STRN: variants seen among roughly 807,000 people sequenced by gnomAD.
STRN encodes striatin.
In STRN, 53 loss-of-function variants were observed where a neutral mutation model predicts 96.3. The observed-to-expected ratio is 0.55, with a 90% CI of 0.44 to 0.69. STRN has a LOEUF of 0.69. Ranked by LOEUF, STRN falls within the 30% of genes least tolerant of loss-of-function variation. The pLI is 0.00. For synonymous variants in STRN, 428 were observed against 355.9 expected, an observed-to-expected ratio of 1.20 and a Z score of -2.28; for missense variants, 987 against 963.9, an observed-to-expected ratio of 1.02 and a Z score of -0.32.
Position 36,909,820 on chromosome 2 carries a change from G to A in STRN, c.413-4202C>T, listed in dbSNP as rs1669917754. ...GAAAAAGGTCACATTATACACAGAG[G>A]AACAAAAATAAGGGCAACAGGAGAT... On this transcript the variant is annotated intron_variant, in intron 3 of 17. Transcript: ENST00000263918. Among the ~76,000 whole-genome samples, 3 of 152,004 alleles carry A rather than the reference G, an allele frequency of 2.0e-5. 1 individual carries two copies. The highest frequency in any genetic ancestry group is 4.4e-5 in the Non-Finnish European group (3 of 67,996).
Position 36,857,936 on chromosome 2 carries a change from GACA to G in STRN, c.1754_1756del (p.Leu585del). 6.2e-7 allele frequency: 1 copy of G among 1,614,008 alleles called. No individual in the cohort carries two copies. The highest frequency in any genetic ancestry group is 8.5e-7 in the Non-Finnish European group (1 of 1,179,988). ...ACGCAGAGTGCCATCTGCTGAACAGGACAACAAACGCTGATGTGCTGCACTATA... is the reference window on the plus strand; with the variant it reads ...ACGCAGAGTGCCATCTGCTGAACAGGACAAACGCTGATGTGCTGCACTATA... On this transcript the variant is annotated inframe_deletion, in exon 14 of 18. Transcript: ENST00000263918.
rs1667963348 is a variant in STRN at position 36,841,962 on chromosome 2, C to A, written c.*7494G>T. ...GCTTCTCCTTTTTGGTAAGGTACTT[C>A]TTTCCCCACACTCTCACCCAAGTTA... On this transcript the variant is annotated 3_prime_UTR_variant, in exon 18 of 18. Transcript: ENST00000263918. The A allele has an allele frequency of 6.6e-6, 1 of 152,194 alleles. No homozygotes were observed. Among genetic ancestry groups the A allele is most frequent in the South Asian group, 2.1e-4 (1 of 4,822 alleles). The allele number at this position is 152,194 out of a possible 1,614,324, so 9.4% of individuals were successfully genotyped here.
chr2:36,950,212 TG>T (rs369197418), intron 1 of STRN, among the ~76,000 whole-genome samples: 33 of 134,108 alleles, frequency 2.5e-4, no homozygotes, highest in African/African-American at 4.8e-4. Context: ...GGTTTGGTTT[TG>T]TTTTTTTTTT....
chr2:36,850,951 G>GTTT (rs771268393), intron 16 of STRN, 49 bp downstream of exon 16: 39 of 751,016 alleles, frequency 5.2e-5, no homozygotes, highest in Non-Finnish European at 7.4e-5. Flanking sequence ...TTGTGGTAGG[G>GTTT]ATTTTTTTTT....
chr2:36,840,735 A>C lies in STRN; in HGVS notation c.*8721T>G, dbSNP rs1667932480. On this transcript the variant is annotated 3_prime_UTR_variant, in exon 18 of 18. Coordinates refer to ENST00000263918, the MANE Select transcript of STRN (RefSeq NM_003162.4). ...CTTATATAGACAAAAGCAAACAAAT[A>C]ATCATTAACCTTTATTTTTGTAGGT... 1 of 152,192 alleles carries C rather than the reference A, an allele frequency of 6.6e-6. No individual in the cohort carries two copies. Among genetic ancestry groups the C allele is most frequent in the Non-Finnish European group, 1.5e-5 (1 of 68,032 alleles). 9.4% of individuals were successfully genotyped at this position (152,192 alleles called of 1,614,324 possible).
In STRN at chr2:36,966,380, C is replaced by G. The variant is rs775254260; in HGVS notation, c.84G>C (p.Ala28=). Reference sequence around the variant, plus strand: ...CCCCGTCGCCGGCCGCGGCAGCCTCCGCCAGAGGCCCGAGCCCCTTGGCAC... The same window carrying G: ...CCCCGTCGCCGGCCGCGGCAGCCTCGGCCAGAGGCCCGAGCCCCTTGGCAC... ...AGGAKGLGPL[A]EAAAAGDGAA... The change falls in exon 1 of 18, where the codon GCG becomes GCC. Residue 28 remains alanine (A), a synonymous_variant. Transcript: ENST00000263918. The G allele has an allele frequency of 2.1e-6, 3 of 1,459,536 alleles. No homozygotes were observed. The African/African-American group carries it at 4.4e-5, about 22-fold the overall frequency. The allele number at this position is 1,459,536 out of a possible 1,614,324, so 90.4% of individuals were successfully genotyped here.
At chr2:36,964,038 T>C (rs757598006) in intron 1 of STRN, among the ~76,000 whole-genome samples, 2 of 150,498 alleles carry the variant, frequency 1.3e-5, no homozygotes, top group African/African-American at 2.4e-5. Context: ...TAAGCACCCA[T>C]GGGAAAGCTA....
Position 36,845,901 on chromosome 2 carries a change from ACACACGCATGCATG to A in STRN, c.*3541_*3554del, listed in dbSNP as rs1481811709. 6.2e-5 allele frequency: 3 copies of A among 48,432 alleles called. No individual in the cohort carries two copies. Among genetic ancestry groups the A allele is most frequent in the East Asian group, 1.1e-3 (1 of 876 alleles). The allele number at this position is 48,432 out of a possible 1,614,324, so 3.0% of individuals were successfully genotyped here. ...GATTGGTAAACACACACACACACAC[ACACACGCATGCATG>A]CACACACACACACACACACACACAC... On this transcript the variant is annotated 3_prime_UTR_variant, in exon 18 of 18. Transcript: ENST00000263918.
At chr2:36,858,622 C>T (rs115328758) in intron 13 of STRN, among the ~76,000 whole-genome samples, 100 of 152,274 alleles carry the variant, frequency 6.6e-4, no homozygotes, top group African/African-American at 2.4e-3. Flanking sequence ...TAAGCACAGT[C>T]TCATGATAAA....
At chr2:36,955,883 T>C (rs190462983) in intron 1 of STRN, among the ~76,000 whole-genome samples, 1 of 152,330 alleles carries the variant, frequency 6.6e-6, no homozygotes, top group East Asian at 1.9e-4. Flanking sequence ...ACAAAATTCA[T>C]TTATGTTTCA....
chr2:36,936,081 T>C (rs1410050333), intron 1 of STRN, among the ~76,000 whole-genome samples: 1 of 152,074 alleles, frequency 6.6e-6, no homozygotes, highest in African/African-American at 2.4e-5. Flanking sequence ...GAAAACAATT[T>C]CTCTAAAAAA....
At chr2:36,921,681 A>T (rs1022774805) in intron 2 of STRN, among the ~76,000 whole-genome samples, 5 of 146,386 alleles carry the variant, frequency 3.4e-5, no homozygotes, top group South Asian at 2.2e-4. Context: ...GATTTCATGG[A>T]CTCTACTTAA....
intron 10 of STRN, among the ~76,000 whole-genome samples, chr2:36,874,151 C>G (rs1041804366): frequency 1.3e-5 from 2 of 151,340 alleles, no homozygotes; most frequent in Non-Finnish European, 2.9e-5. Flanking sequence ...GCAGTCCCAG[C>G]TACATGGATG....
chr2:36,895,037 T>A (rs564756948), intron 6 of STRN, among the ~76,000 whole-genome samples: 1 of 152,052 alleles, frequency 6.6e-6, no homozygotes, highest in African/African-American at 2.4e-5. Context: ...ATAAAAACTG[T>A]AAAGGAGTGG....
intron 10 of STRN, among the ~76,000 whole-genome samples, chr2:36,876,948 C>T (rs1668930158): frequency 6.6e-6 from 1 of 152,074 alleles, no homozygotes; most frequent in Non-Finnish European, 1.5e-5. Context: ...CGGGTTTTCA[C>T]CGTGTGAGCC....
rs72466696 is a variant in STRN, at chr2:36,915,232, AATATATATAT to A, written c.412+836_412+845del. Among the ~76,000 whole-genome samples, 605 of 86,464 alleles carry A rather than the reference AATATATATAT, an allele frequency of 7.0e-3. 9 individuals are homozygous for A. The highest frequency in any genetic ancestry group is 9.1e-3 in the Middle Eastern group (1 of 110). The allele number at this position is 86,464 out of a possible 152,430, so 56.7% of individuals were successfully genotyped here. On this transcript the variant is annotated intron_variant, in intron 3 of 17. Coordinates refer to ENST00000263918, the MANE Select transcript of STRN (RefSeq NM_003162.4). ...AAAGGAAATTTAAACTGAATACATA[AATATATATAT>A]ATATATATATATATATATATATATA...
intron 7 of STRN, among the ~76,000 whole-genome samples, chr2:36,891,466 A>G (rs924322345): frequency 6.6e-6 from 1 of 152,178 alleles, no homozygotes; most frequent in Non-Finnish European, 1.5e-5. Flanking sequence ...CGGAGATTTC[A>G]GTGAGCCAAG....
intron 6 of STRN, among the ~76,000 whole-genome samples, chr2:36,896,463 T>C (rs1487455925): frequency 6.6e-6 from 1 of 152,188 alleles, no homozygotes; most frequent in African/African-American, 2.4e-5. Flanking sequence ...GTAGAGTTTG[T>C]AATAATAAGC....
chr2:36,956,119 A>G (rs1352415695), intron 1 of STRN, among the ~76,000 whole-genome samples: 2 of 152,190 alleles, frequency 1.3e-5, no homozygotes, highest in Non-Finnish European at 2.9e-5. Context: ...TACTTACAGG[A>G]CAAAGAGAAT....
Sources: gnomAD v4.1 joint callset for allele counts (sites outside exome capture counted in the v4.1 genomes callset) on GRCh38, gnomAD v4.1.1 for gene constraint, MANE v1.5 for transcripts, NCBI Gene and HGNC (gene_info 2026-07-23, HGNC 2026-07-21) for gene names.